The following ADH7 variants were observed in gnomAD, a reference collection of about 807,000 sequenced individuals.
The protein encoded by ADH7 is alcohol dehydrogenase 7 (class IV), mu or sigma polypeptide.
In ADH7, 41 loss-of-function variants were observed where a neutral mutation model predicts 34.4. The ratio of observed to expected loss-of-function variants is 1.19; its 90% CI spans 0.93 to 1.55. ADH7 has a LOEUF of 1.55. ADH7 is among the 40% of genes most tolerant of loss of function. The pLI is 0.00. For missense variants in ADH7, 540 were observed against 461.2 expected (o/e 1.17, Z -1.56); for synonymous variants, 180 against 160.9 (o/e 1.12, Z -0.90).
At chr4:99,427,043 T>C (rs1257215175) in intron 5 of ADH7, among the ~76,000 whole-genome samples, 1 of 152,162 alleles carries the variant, frequency 6.6e-6, no homozygotes. Flanking sequence ...ATAAACTAGG[T>C]ATTGATGGGA....
intron 1 of ADH7, among the ~76,000 whole-genome samples, chr4:99,434,832 G>C (rs1049132759): frequency 1.3e-5 from 2 of 152,106 alleles, no homozygotes; most frequent in Non-Finnish European, 2.9e-5. Context: ...TGAGACCCTG[G>C]TTTCCCATTG....
chr4:99,425,719 A>AT (rs1461509624), intron 5 of ADH7, among the ~76,000 whole-genome samples: 1 of 152,198 alleles, frequency 6.6e-6, no homozygotes, highest in Non-Finnish European at 1.5e-5. Flanking sequence ...CCTAATAGAC[A>AT]TCTACAGAAC....
intron 1 of ADH7, among the ~76,000 whole-genome samples, chr4:99,429,940 A>AC (rs757357790): frequency 5.3e-5 from 8 of 151,968 alleles, no homozygotes; most frequent in African/African-American, 9.7e-5. Flanking sequence ...TTCACATAAC[A>AC]CCCCCACCCA....
intron 5 of ADH7, 25 bp downstream of exon 5, chr4:99,427,744 CAAAT>C: frequency 7.4e-7 from 1 of 1,350,940 alleles, no homozygotes. Context: ...GAAAGAAGAA[CAAAT>C]AAACTAGCCT....
intron 5 of ADH7, among the ~76,000 whole-genome samples, chr4:99,426,713 G>A (rs1334931243): frequency 6.6e-6 from 1 of 152,150 alleles, no homozygotes; most frequent in Non-Finnish European, 1.5e-5. Context: ...CATTTTATGA[G>A]GCCAGCATCA....
chr4:99,425,597 A>T (rs901523452), intron 5 of ADH7, among the ~76,000 whole-genome samples: 1 of 152,102 alleles, frequency 6.6e-6, no homozygotes, highest in African/African-American at 2.4e-5. Context: ...TTAGACTCCC[A>T]CACAATAATA....
intron 2 of ADH7, 78 bp downstream of exon 2, chr4:99,429,454 T>A: frequency 9.9e-7 from 1 of 1,006,724 alleles, no homozygotes; most frequent in Non-Finnish European, 1.5e-6. Context: ...TATTTAAGAA[T>A]CCAGCCTCAC....
At chr4:99,421,073 C>T (rs987920917) in intron 5 of ADH7, among the ~76,000 whole-genome samples, 2 of 152,170 alleles carry the variant, frequency 1.3e-5, no homozygotes, top group African/African-American at 2.4e-5. Flanking sequence ...GGCCATACTG[C>T]CCAAAGTAAT....
chr4:99,435,057 C>T (rs781502514), intron 1 of ADH7, 159 bp downstream of exon 1: 1 of 1,545,082 alleles, frequency 6.5e-7, no homozygotes, highest in South Asian at 1.2e-5. Flanking sequence ...TCTGAAACAC[C>T]ATATCCAGTG....
At chr4:99,427,645 T>A (rs1721838385) in intron 5 of ADH7, 128 bp downstream of exon 5, 2 of 591,828 alleles carry the variant, frequency 3.4e-6, no homozygotes, top group Non-Finnish European at 2.6e-6. Context: ...ATTGTGTTGC[T>A]TGGCAGCCTG....
In ADH7 at chr4:99,428,555, C is replaced by T. The variant is rs776088318; in HGVS notation, c.196G>A (p.Val66Met). 6.8e-6 allele frequency: 11 copies of T among 1,613,838 alleles called. No homozygotes were observed. The African/African-American group carries it at 1.3e-4, about 20-fold the overall frequency. ...GTMVSKFPVI[V>M]GHEATGIVES... is the part of the protein sequence containing the mutation. ...ACAATCCCAGTTGCCTCATGTCCCA[C>T]AATCACTGGAAACTTGGACACCATT... Residue 66 changes from valine (V) to methionine (M), a missense_variant, in exon 3 of 9, where the codon GTG becomes ATG. Physicochemically the swap from Val to Met is conservative, Grantham distance 21. Transcript: ENST00000437033.
Position 99,428,519 on chromosome 4 carries a change from C to T in ADH7, c.232G>A (p.Gly78Arg). ...HEATGIVESI[G>R]EGVTTVKPGD... ...GGTTTCACTGTAGTCACTCCTTCTC[C>T]AATGCTCTCTACAATCCCAGTTGCC... Residue 78 changes from glycine to arginine, a missense_variant, in exon 3 of 9, where the codon GGA becomes AGA. Physicochemically the swap from Gly to Arg is moderately radical, Grantham distance 125. Coordinates refer to ENST00000437033, the MANE Select transcript of ADH7 (RefSeq NM_000673.7). 2 of 1,613,680 alleles carry T rather than the reference C, an allele frequency of 1.2e-6. No homozygotes were observed. Among genetic ancestry groups the T allele is most frequent in the Non-Finnish European group, 1.7e-6 (2 of 1,179,838 alleles).
At chr4:99,421,462 G>A (rs111540153) in intron 5 of ADH7, among the ~76,000 whole-genome samples, 20,838 of 152,074 alleles carry the variant, frequency 0.14, 1,541 homozygotes, top group African/African-American at 0.17. Context: ...AGAAAACTCA[G>A]ACTGGACCCC....
rs1721893514 is a variant in ADH7 at position 99,429,575 on chromosome 4, T to A, written c.77A>T (p.Glu26Val). 1 of 1,612,516 alleles carries A rather than the reference T, an allele frequency of 6.2e-7. No homozygotes were observed. The highest frequency in any genetic ancestry group is 1.1e-5 in the South Asian group (1 of 90,748). The stretch of plus-strand genomic sequence containing the variant: ...AGTCTTTGGTGGGGCAACTTCTATT[T>A]CCTCAATGGAGAAGGGTTGCTTCTG... ...WEQKQPFSIE[E>V]IEVAPPKTKE... Residue 26 changes from glutamate to valine, a missense_variant, in exon 2 of 9, where the codon GAA becomes GTA. Transcript: ENST00000437033.
chr4:99,413,960 G>A (rs944509629), intron 8 of ADH7, among the ~76,000 whole-genome samples: 3 of 152,060 alleles, frequency 2.0e-5, no homozygotes, highest in African/African-American at 4.8e-5. Context: ...AATTACTGGC[G>A]AAAAAATATT....
intron 5 of ADH7, among the ~76,000 whole-genome samples, chr4:99,423,105 T>C (rs1258718721): frequency 2.6e-4 from 38 of 146,286 alleles, no homozygotes; most frequent in South Asian, 1.3e-3. Flanking sequence ...TCAATTCCTA[T>C]CTATGAGTGA....
chr4:99,433,552 C>T (rs1216552309), intron 1 of ADH7, among the ~76,000 whole-genome samples: 1 of 152,054 alleles, frequency 6.6e-6, no homozygotes, highest in Non-Finnish European at 1.5e-5. Context: ...AAGTCCTAAC[C>T]CCCCGTACCT....
In ADH7 at chr4:99,431,007, C is replaced by T. The variant is rs528349477; in HGVS notation, c.19-1374G>A. On this transcript the variant is annotated intron_variant, in intron 1 of 8. Transcript: ENST00000437033. ...TAGAGACAGGGTTTCACCATGTTGG[C>T]CAGCATAGTCTCGATCTCCTGACCT... is the stretch of plus-strand genomic sequence containing the variant. Among the ~76,000 whole-genome samples the T allele has an allele frequency of 1.6e-3, 238 of 152,182 alleles. 2 individuals carry two copies. The highest frequency in any genetic ancestry group is 5.4e-3 in the African/African-American group (223 of 41,516).
At chr4:99,426,631 A>G (rs958619506) in intron 5 of ADH7, among the ~76,000 whole-genome samples, 6 of 152,218 alleles carry the variant, frequency 3.9e-5, no homozygotes, top group African/African-American at 1.2e-4. Context: ...TACAAGAGGT[A>G]CAAGGAGGAA....
Sources: gnomAD v4.1 joint callset for allele counts (sites outside exome capture counted in the v4.1 genomes callset) on GRCh38, gnomAD v4.1.1 for gene constraint, MANE v1.5 for transcripts, NCBI Gene and HGNC (gene_info 2026-07-23, HGNC 2026-07-21) for gene names.